The following DMD variants were observed in gnomAD, a reference collection of about 807,000 sequenced individuals.
DMD encodes dystrophin, also known as mutant dystrophin.
A neutral mutation model predicts 330.1 loss-of-function variants in DMD; 63 were observed. The observed-to-expected ratio is 0.19, with a 90% confidence interval of 0.16 to 0.24. The LOEUF is 0.24. Ranked by LOEUF, DMD falls within the 10% of genes least tolerant of loss-of-function variation. The pLI is 1.00. For missense variants in DMD, 3,344 were observed against 2,684.1 expected (o/e 1.25, Z -5.43); for synonymous variants, 1,223 against 959.8 (o/e 1.27, Z -5.07).
At chrX:33,237,312 C>T (rs992157502) in intron 1 of DMD, among the ~76,000 whole-genome samples, 5 of 105,948 alleles carry the variant, frequency 4.7e-5, no homozygotes, top group African/African-American at 1.7e-4. Context: ...GGCGCGATCT[C>T]GGCTCACTGC....
At chrX:32,059,907 C>A (rs911271858) in intron 44 of DMD, among the ~76,000 whole-genome samples, 5 of 111,278 alleles carry the variant, frequency 4.5e-5, no homozygotes, top group African/African-American at 1.6e-4. Context: ...AGCAGTTGTA[C>A]CCAAAAGTAG....
chrX:33,240,360 C>T (rs1256468491), intron 1 of DMD, among the ~76,000 whole-genome samples: 1 of 111,792 alleles, frequency 8.9e-6, no homozygotes, highest in Non-Finnish European at 1.9e-5. Context: ...TAATATCCTC[C>T]AGGTTCATTC....
At chrX:32,174,039 T>C (rs1265615589) in intron 44 of DMD, among the ~76,000 whole-genome samples, 1 of 112,210 alleles carries the variant, frequency 8.9e-6, no homozygotes. Flanking sequence ...GAGTCTACAT[T>C]TCGGCAAAAA....
At chrX:32,891,975 G>T (rs757994184) in intron 2 of DMD, among the ~76,000 whole-genome samples, 2 of 111,374 alleles carry the variant, frequency 1.8e-5, no homozygotes, top group Non-Finnish European at 3.8e-5. Flanking sequence ...GTATAGCCAC[G>T]TGACACAGAA....
intron 5 of DMD, among the ~76,000 whole-genome samples, chrX:32,817,517 A>G (rs1167671149): frequency 8.9e-6 from 1 of 112,087 alleles, no homozygotes; most frequent in Non-Finnish European, 1.9e-5. Context: ...AACTGTCTAC[A>G]TCTTTTATTA....
At chrX:32,558,400 C>T (rs2050568829) in intron 16 of DMD, among the ~76,000 whole-genome samples, 1 of 111,682 alleles carries the variant, frequency 9.0e-6, no homozygotes, top group Admixed American at 9.6e-5. Flanking sequence ...AGGAAAAAGA[C>T]TTGTATTTGT....
chrX:32,437,871 T>C (rs1366825239), intron 29 of DMD, among the ~76,000 whole-genome samples: 3 of 112,287 alleles, frequency 2.7e-5, no homozygotes, highest in Non-Finnish European at 3.8e-5. Flanking sequence ...ATTGCATGTA[T>C]TATTAGCAGA....
intron 1 of DMD, among the ~76,000 whole-genome samples, chrX:33,043,104 G>T (rs1238320548): frequency 3.6e-5 from 4 of 111,892 alleles, no homozygotes; most frequent in Non-Finnish European, 7.5e-5. Context: ...TTAATTTGAA[G>T]CTTGTTATTC....
chrX:32,727,275 C>G (rs989666808), intron 7 of DMD, among the ~76,000 whole-genome samples: 1 of 111,152 alleles, frequency 9.0e-6, no homozygotes, highest in African/African-American at 3.3e-5. Flanking sequence ...CTTATGTTCG[C>G]ACACATTATC....
intron 63 of DMD, among the ~76,000 whole-genome samples, chrX:31,256,741 CGTGTGT>C (rs35842618): frequency 1.1e-4 from 11 of 97,952 alleles, no homozygotes; most frequent in Non-Finnish European, 1.5e-4. Flanking sequence ...ATATGTGGGG[CGTGTGT>C]GTGTGTGTGT....
At chrX:31,329,969 C>CAAA (rs142353794) in intron 61 of DMD, among the ~76,000 whole-genome samples, 16 of 12,881 alleles carry the variant, frequency 1.2e-3, no homozygotes, top group South Asian at 0.01. Flanking sequence ...GATTCCATCT[C>CAAA]AAAAAAAAAA....
intron 16 of DMD, among the ~76,000 whole-genome samples, chrX:32,550,859 C>T (rs1847160044): frequency 1.8e-5 from 2 of 110,816 alleles, no homozygotes; most frequent in Non-Finnish European, 3.8e-5. Flanking sequence ...TAATGAACAC[C>T]CCTATGCACA....
chrX:32,391,414 A>T (rs1183398461), intron 30 of DMD, among the ~76,000 whole-genome samples: 4 of 111,435 alleles, frequency 3.6e-5, no homozygotes, highest in Non-Finnish European at 3.8e-5. Flanking sequence ...AATTATACCA[A>T]GAACATGGAC....
chrX:32,917,927 C>T (rs529517234), intron 2 of DMD, among the ~76,000 whole-genome samples: 1 of 108,616 alleles, frequency 9.2e-6, no homozygotes, highest in East Asian at 2.9e-4. Flanking sequence ...AATGAAGCTG[C>T]TCTGCAGGTA....
rs181338220 is a variant in DMD at position 31,530,167 on chromosome X, T to C, written c.8218-22714A>G. Among the ~76,000 whole-genome samples the C allele has an allele frequency of 1.3e-3, 142 of 112,103 alleles. 1 individual carries two copies. Among genetic ancestry groups the C allele is most frequent in the Non-Finnish European group, 2.0e-3 (107 of 53,243 alleles). ...CCCATACTAACCAAAAATTTCTTCC[T>C]AGACATTTCTAACTGTATCTAGAGA... On this transcript the variant is annotated intron_variant, in intron 55 of 78. Transcript: ENST00000357033.
intron 44 of DMD, among the ~76,000 whole-genome samples, chrX:32,141,576 G>A (rs1427537764): frequency 9.0e-6 from 1 of 110,686 alleles, no homozygotes; most frequent in African/African-American, 3.3e-5. Flanking sequence ...ATTCTCCTTT[G>A]CTCTCTGTGC....
intron 20 of DMD, among the ~76,000 whole-genome samples, chrX:32,486,031 G>A (rs142428791): frequency 0.025 from 2,731 of 109,753 alleles, 94 homozygotes; most frequent in African/African-American, 0.085. Context: ...GTGAGCCACC[G>A]CGCCCAGCCA....
chrX:32,447,437 G>C, intron 27 of DMD, among the ~76,000 whole-genome samples: 1 of 111,009 alleles, frequency 9.0e-6, no homozygotes, highest in South Asian at 3.7e-4. Context: ...ACTGATAATG[G>C]AGAAACTCGG....
chrX:33,099,402 C>T lies in DMD; in HGVS notation c.32-79202G>A, dbSNP rs183809573. Among the ~76,000 whole-genome samples the T allele has an allele frequency of 4.5e-5, 5 of 111,065 alleles. No individual in the cohort carries two copies. In the Admixed American group the frequency reaches 4.9e-4, roughly 11 times the overall value. Reference sequence around the variant, plus strand: ...TGTCCCCAGAGCCAGGGGCCACCTGCATCACAGTATTCATTAGTTTCCCTT... The same window carrying T: ...TGTCCCCAGAGCCAGGGGCCACCTGTATCACAGTATTCATTAGTTTCCCTT... On this transcript the variant is annotated intron_variant, in intron 1 of 78. Transcript: ENST00000357033.
Sources: gnomAD v4.1 joint callset for allele counts (sites outside exome capture counted in the v4.1 genomes callset) on GRCh38, gnomAD v4.1.1 for gene constraint, MANE v1.5 for transcripts, NCBI Gene and HGNC (gene_info 2026-07-23, HGNC 2026-07-21) for gene names.